The following USP18 variants were observed in gnomAD, a reference collection of about 807,000 sequenced individuals.
USP18 encodes the protein ubl carboxyl-terminal hydrolase 18.
USP18 carries 11 observed loss-of-function variants against 48.7 expected under a neutral mutation model. The ratio of observed to expected loss-of-function variants is 0.23; its 90% CI spans 0.14 to 0.37. The LOEUF is 0.37. Ranked by LOEUF, USP18 falls within the 10% of genes least tolerant of loss-of-function variation. The pLI, the probability that USP18 is intolerant of heterozygous loss-of-function variation, is 1.00. For missense variants in USP18, 285 were observed against 436.4 expected (o/e 0.65, Z 3.09); for synonymous variants, 114 against 163.2 (o/e 0.70, Z 2.30).
chr22:18,151,778 C>T (rs939769952), intron 1 of USP18, among the ~76,000 whole-genome samples: 5 of 152,086 alleles, frequency 3.3e-5, no homozygotes, highest in African/African-American at 1.2e-4. Context: ...CAAAATAGGC[C>T]GGGCGCGGTG....
At chr22:18,172,318 T>G (rs1929651622) in intron 8 of USP18, among the ~76,000 whole-genome samples, 1 of 152,206 alleles carries the variant, frequency 6.6e-6, no homozygotes, top group Admixed American at 6.5e-5. Flanking sequence ...TATAAACACT[T>G]CATTATGTAT....
At chr22:18,168,069 G>C (rs770243667) in intron 6 of USP18, 33 bp downstream of exon 6, 10 of 1,611,006 alleles carry the variant, frequency 6.2e-6, no homozygotes, top group Non-Finnish European at 6.8e-6. Flanking sequence ...TGCTGCCCCT[G>C]TATGTGTTAG....
At chr22:18,162,018 C>T (rs908552316) in intron 4 of USP18, 83 bp downstream of exon 4, 2 of 1,487,396 alleles carry the variant, frequency 1.3e-6, no homozygotes, top group African/African-American at 1.4e-5. Flanking sequence ...AACTAACGGG[C>T]AGTGAAGCAA....
At chr22:18,166,490 A>G (rs1929480518) in intron 4 of USP18, among the ~76,000 whole-genome samples, 1 of 151,686 alleles carries the variant, frequency 6.6e-6, no homozygotes, top group African/African-American at 2.4e-5. Context: ...TTTCTGTTTC[A>G]TTGTAGGTCT....
chr22:18,152,884 G>A (rs976029928), intron 1 of USP18, among the ~76,000 whole-genome samples: 8 of 152,124 alleles, frequency 5.3e-5, no homozygotes, highest in African/African-American at 1.9e-4. Flanking sequence ...TATCTGGGAG[G>A]TCTTGGCGGA....
rs1382712075 is a variant in USP18, at chr22:18,157,709, C to T, written c.46C>T (p.Leu16=). ...GLLRQICQSI[L]AESSQSPADL... ...CCTGAGGCAAATCTGTCAGTCCATC[C>T]TGGCTGAGTCCTCGCAGTCCCCGGC... Residue 16 remains leucine, a synonymous_variant, in exon 2 of 11, where the codon CTG becomes TTG. Transcript: ENST00000215794. The T allele has an allele frequency of 6.2e-7, 1 of 1,614,108 alleles. No individual in the cohort carries two copies. The highest frequency in any genetic ancestry group is 2.2e-5 in the East Asian group (1 of 44,860).
chr22:18,162,437 A>G (rs1218832071), intron 4 of USP18, among the ~76,000 whole-genome samples: 1 of 150,018 alleles, frequency 6.7e-6, no homozygotes, highest in African/African-American at 2.5e-5. Flanking sequence ...CATTTTCATC[A>G]CCCCCAGAAG....
At position 18,167,317 on chromosome 22, in the gene USP18, A is replaced by G; in HGVS notation, c.463A>G (p.Ile155Val). ...ACTCTGGAACCTGATTAAGGACCAG[A>G]TCACTGATGTGCACTTGGTAAGAAC... Reference protein sequence around the residue: ...LKLWNLIKDQITDVHLVERLQ... With the variant: ...LKLWNLIKDQVTDVHLVERLQ... Residue 155 changes from isoleucine to valine, a missense_variant, in exon 5 of 11, where the codon ATC becomes GTC. Ile to Val is a conservative substitution (Grantham distance 29). Around this residue, in one of 5 missense-constraint regions of USP18, gnomAD observed 199 missense variants for 239.6 expected, o/e 0.83. Transcript: ENST00000215794. 1 of 1,613,912 alleles carries G rather than the reference A, an allele frequency of 6.2e-7. No individual in the cohort carries two copies.
chr22:18,154,990 G>A (rs946719960), intron 1 of USP18, among the ~76,000 whole-genome samples: 2 of 152,178 alleles, frequency 1.3e-5, no homozygotes, highest in African/African-American at 4.8e-5. Flanking sequence ...TTGTAGTGCT[G>A]GGGGGTGCTC....
chr22:18,167,946 T>C lies in USP18; in HGVS notation c.537T>C (p.Val179=). 1 of 1,614,076 alleles carries C rather than the reference T, an allele frequency of 6.2e-7. No individual in the cohort carries two copies. The highest frequency in any genetic ancestry group is 8.5e-7 in the Non-Finnish European group (1 of 1,180,004). The change falls in exon 6 of 11, where the codon GTT becomes GTC. Residue 179 remains valine, a synonymous_variant. Transcript: ENST00000215794. The part of the protein sequence containing the change: ...TIRVKDSLIC[V]DCAMESSRNS... ...GGGTGAAGGACTCCTTGATTTGCGTTGACTGTGCCATGGAGAGTAGCAGAA... is the reference window on the plus strand; with the variant it reads ...GGGTGAAGGACTCCTTGATTTGCGTCGACTGTGCCATGGAGAGTAGCAGAA...
rs536417014 is a variant in USP18 at position 18,166,112 on chromosome 22, A to G, written c.401-1143A>G. 2.7e-3 allele frequency among the ~76,000 whole-genome samples: 411 copies of G among 152,254 alleles called. 3 individuals carry two copies. Among genetic ancestry groups the G allele is most frequent in the African/African-American group, 9.5e-3 (394 of 41,514 alleles). ...GCAGCTCCTCAGCTTTTCGCTGCAT[A>G]GGTACTGTGTTCAGCTTTCCTTCCG... On this transcript the variant is annotated intron_variant, in intron 4 of 10. Transcript: ENST00000215794.
At chr22:18,169,659 C>G (rs1929573400) in intron 6 of USP18, among the ~76,000 whole-genome samples, 185 bp from the exon 7 acceptor site, 1 of 152,196 alleles carries the variant, frequency 6.6e-6, no homozygotes, top group Non-Finnish European at 1.5e-5. Flanking sequence ...TTCCTGCGGC[C>G]TCCCTAGAAG....
chr22:18,157,654 G>C lies in USP18; in HGVS notation c.-10G>C. 1 of 1,614,060 alleles carries C rather than the reference G, an allele frequency of 6.2e-7. No homozygotes were observed. The highest frequency in any genetic ancestry group is 8.5e-7 in the Non-Finnish European group (1 of 1,179,966). On this transcript the variant is annotated 5_prime_UTR_variant, in exon 2 of 11. Transcript: ENST00000215794. ...GCAGCTGCGGCCTGGGGGTTTTGGA[G>C]TGATCACGAATGAGCAAGGCGTTTG...
intron 3 of USP18, among the ~76,000 whole-genome samples, chr22:18,161,150 A>T (rs1172940010): frequency 6.6e-6 from 1 of 151,760 alleles, no homozygotes; most frequent in Non-Finnish European, 1.5e-5. Flanking sequence ...TGGTTAAAAG[A>T]CAGAGTTGGG....
At chr22:18,163,708 G>C (rs1029580081) in intron 4 of USP18, among the ~76,000 whole-genome samples, 84 of 152,024 alleles carry the variant, frequency 5.5e-4, no homozygotes, top group South Asian at 6.3e-4. Flanking sequence ...CTTGTCCCAC[G>C]GGCCTTGTAT....
intron 6 of USP18, among the ~76,000 whole-genome samples, chr22:18,169,534 C>T (rs1929570123): frequency 6.6e-6 from 1 of 152,208 alleles, no homozygotes; most frequent in East Asian, 1.9e-4. Context: ...TGAGATCGCG[C>T]CCCTGCACTC....
intron 1 of USP18, among the ~76,000 whole-genome samples, chr22:18,154,584 C>T (rs1929079260): frequency 1.3e-5 from 2 of 151,984 alleles, no homozygotes; most frequent in Non-Finnish European, 2.9e-5. Flanking sequence ...GTATTTGGGG[C>T]CACAGGCGTG....
chr22:18,152,836 T>A (rs1485978027), intron 1 of USP18, among the ~76,000 whole-genome samples: 3 of 152,290 alleles, frequency 2.0e-5, no homozygotes, highest in Non-Finnish European at 2.9e-5. Context: ...GCTCAAATGA[T>A]CTGCTCCATG....
At chr22:18,174,788 G>A (rs1308288053) in intron 10 of USP18, among the ~76,000 whole-genome samples, 7 of 152,090 alleles carry the variant, frequency 4.6e-5, no homozygotes, top group African/African-American at 1.7e-4. Flanking sequence ...GTAGAGATGA[G>A]GTCTCGCTAT....
Sources: allele counts gnomAD v4.1 joint callset (sites outside exome capture counted in the v4.1 genomes callset), GRCh38; gene constraint gnomAD v4.1.1; regional missense constraint gnomAD v4.1.1; transcripts MANE v1.5; gene names NCBI Gene and HGNC (gene_info 2026-07-23, HGNC 2026-07-21).